The following C5orf63 variants were observed in gnomAD, a reference collection of about 807,000 sequenced individuals.
C5orf63 encodes chromosome 5 open reading frame 63.
Under a neutral mutation model 13.3 loss-of-function variants are expected in C5orf63, and 18 were observed. The observed-to-expected ratio is 1.36, with a 90% CI of 0.94 to 2.01. The LOEUF is 2.01. C5orf63 is among the 30% of genes most tolerant of loss of function. The pLI, the probability that C5orf63 is intolerant of heterozygous loss-of-function variation, is 0.00. For synonymous variants in C5orf63, 38 were observed against 44.7 expected (o/e 0.85, Z 0.60); for missense variants, 118 against 127.7 (o/e 0.92, Z 0.36).
At chr5:127,064,805 C>T (rs1252164971) in intron 2 of C5orf63, among the ~76,000 whole-genome samples, 5 of 152,160 alleles carry the variant, frequency 3.3e-5, no homozygotes, top group African/African-American at 4.8e-5. Flanking sequence ...TGTTTGGACT[C>T]GATGGGTGCT....
At chr5:127,067,788 G>T (rs969316684) in intron 2 of C5orf63, among the ~76,000 whole-genome samples, 2 of 152,026 alleles carry the variant, frequency 1.3e-5, no homozygotes, top group African/African-American at 4.8e-5. Flanking sequence ...AAAAGAAGCC[G>T]CCTAGGTAAT....
At chr5:127,054,242 T>C (rs1180612264) in intron 3 of C5orf63, among the ~76,000 whole-genome samples, 2 of 152,196 alleles carry the variant, frequency 1.3e-5, no homozygotes, top group East Asian at 1.9e-4. Flanking sequence ...TATATTTTTA[T>C]ATATACACAG....
At chr5:127,046,025 G>A (rs1753513674) in exon 5 of C5orf63, 1 of 152,150 alleles carries the variant, frequency 6.6e-6, no homozygotes. Context: ...CCATGGTTTG[G>A]GAATAGCTTG....
chr5:127,068,786 G>C (rs1754421489), intron 2 of C5orf63, among the ~76,000 whole-genome samples: 1 of 152,156 alleles, frequency 6.6e-6, no homozygotes, highest in Non-Finnish European at 1.5e-5. Context: ...TGGTGCACAT[G>C]ACAATGTCAG....
intron 2 of C5orf63, 73 bp from the exon 3 acceptor site, chr5:127,059,075 C>T: frequency 1.1e-6 from 1 of 889,456 alleles, no homozygotes; most frequent in Non-Finnish European, 1.8e-6. Context: ...ACAGTAATTT[C>T]CAAGCTTATG....
intron 2 of C5orf63, among the ~76,000 whole-genome samples, chr5:127,064,812 T>C (rs973845766): frequency 1.3e-5 from 2 of 152,328 alleles, no homozygotes; most frequent in African/African-American, 4.8e-5. Flanking sequence ...ACTCGATGGG[T>C]GCTACATTAA....
At chr5:127,065,231 G>A (rs1334764481) in intron 2 of C5orf63, among the ~76,000 whole-genome samples, 1 of 152,166 alleles carries the variant, frequency 6.6e-6, no homozygotes, top group African/African-American at 2.4e-5. Context: ...CAATGGGGAT[G>A]GAAAGATGGG....
chr5:127,073,259 GACAC>G (rs970592528), intron 1 of C5orf63, 188 bp downstream of exon 1: 1 of 151,380 alleles, frequency 6.6e-6, no homozygotes, highest in Non-Finnish European at 1.5e-5. Flanking sequence ...CGCTATCACA[GACAC>G]ACACACACGC....
downstream of C5orf63, among the ~76,000 whole-genome samples, chr5:127,049,576 A>G (rs1249127018): frequency 1.3e-5 from 2 of 152,236 alleles, no homozygotes; most frequent in South Asian, 2.1e-4. Context: ...CTTGCTCCTT[A>G]ATAGATAGTG....
downstream of C5orf63, chr5:127,051,271 A>G: frequency 8.3e-7 from 1 of 1,205,668 alleles, no homozygotes; most frequent in Non-Finnish European, 1.0e-6. Flanking sequence ...AACAGGTATT[A>G]TTAAATCCCA....
Position 127,058,961 on chromosome 5 carries a change from G to C in C5orf63, c.35C>G (p.Ala12Gly). The change falls in exon 3 of 5, where the codon GCC becomes GGC. Residue 12 changes from alanine (A) to glycine (G), a missense_variant. Coordinates refer to ENST00000296662, the MANE Select transcript of C5orf63 (RefSeq NM_001164478.2). ...CAAGAAGAGTCCAAAGGAGGATCTG[G>C]CAAGTTGCATGCTATTTCCTTGAAA... is the stretch of plus-strand genomic sequence containing the variant. ...LWFQGNSMQL[A>G]RSSFGLFLRN... 6.5e-7 allele frequency: 1 copy of C among 1,537,178 alleles called. No homozygotes were observed. Among genetic ancestry groups the C allele is most frequent in the Non-Finnish European group, 8.7e-7 (1 of 1,146,726 alleles).
At chr5:127,071,996 C>T (rs1020180370) in intron 1 of C5orf63, 3 of 152,234 alleles carry the variant, frequency 2.0e-5, no homozygotes, top group Admixed American at 2.0e-4. Context: ...CTATTACTTA[C>T]CTGCCAACAG....
chr5:127,053,475 G>C (rs1192712823), intron 3 of C5orf63, among the ~76,000 whole-genome samples: 1 of 151,720 alleles, frequency 6.6e-6, no homozygotes, highest in Non-Finnish European at 1.5e-5. Context: ...GGGTACATGT[G>C]CACAACGTGC....
At chr5:127,055,012 GT>G (rs1377637151) in intron 3 of C5orf63, among the ~76,000 whole-genome samples, 2 of 152,128 alleles carry the variant, frequency 1.3e-5, no homozygotes, top group Non-Finnish European at 2.9e-5. Flanking sequence ...CCCATTGCTT[GT>G]TTTTGTCAGG....
chr5:127,063,608 C>A (rs1754194698), intron 2 of C5orf63, among the ~76,000 whole-genome samples: 1 of 152,178 alleles, frequency 6.6e-6, no homozygotes. Context: ...AGTGTTAGTT[C>A]ATGTGCAAAA....
chr5:127,048,251 AC>A (rs1753568436), downstream of C5orf63, among the ~76,000 whole-genome samples: 2 of 32,156 alleles, frequency 6.2e-5, no homozygotes, highest in Admixed American at 3.4e-4. Flanking sequence ...ATGAGGACAC[AC>A]ACACACACAC....
At chr5:127,070,787 G>T (rs1338202774) in intron 2 of C5orf63, among the ~76,000 whole-genome samples, 2 of 152,222 alleles carry the variant, frequency 1.3e-5, no homozygotes, top group Non-Finnish European at 2.9e-5. Flanking sequence ...TGGAGAAAGT[G>T]TGGAGACAGG....
intron 2 of C5orf63, among the ~76,000 whole-genome samples, chr5:127,061,696 A>G (rs1415075244): frequency 1.3e-5 from 2 of 152,250 alleles, no homozygotes; most frequent in African/African-American, 2.4e-5. Flanking sequence ...AGCTTTGTCT[A>G]CACAGGCTAT....
chr5:127,056,442 G>A (rs1263254307), intron 3 of C5orf63: 1 of 153,318 alleles, frequency 6.5e-6, no homozygotes, highest in Non-Finnish European at 1.4e-5. Context: ...CGGAAGGCAA[G>A]GAGGAGCAAG....
Sources: gnomAD v4.1 joint callset for allele counts (sites outside exome capture counted in the v4.1 genomes callset) on GRCh38, gnomAD v4.1.1 for gene constraint, MANE v1.5 for transcripts, NCBI Gene and HGNC (gene_info 2026-07-23, HGNC 2026-07-21) for gene names.